GPC5: variants seen among roughly 807,000 people sequenced by gnomAD.
The protein encoded by GPC5 is glypican-5.
In GPC5, 47 loss-of-function variants were observed where a neutral mutation model predicts 53.9. The observed-to-expected ratio is 0.87, with a 90% confidence interval of 0.69 to 1.11. GPC5 has a LOEUF of 1.11. Among genes scored for constraint, GPC5 ranks in the 50% most tolerant of loss-of-function variants. The probability of loss-of-function intolerance (pLI) is 0.00; values close to 1 mark genes in which losing one functional copy is unlikely to be tolerated. For synonymous variants in GPC5, 286 were observed against 263.3 expected, an observed-to-expected ratio of 1.09 and a Z score of -0.84; for missense variants, 748 against 713.1, an observed-to-expected ratio of 1.05 and a Z score of -0.56.
chr13:91,436,102 A>G (rs527298328), intron 1 of GPC5, among the ~76,000 whole-genome samples: 6 of 152,194 alleles, frequency 3.9e-5, no homozygotes, highest in African/African-American at 7.2e-5. Context: ...TCTTGCTAGC[A>G]GTCTATCAAT....
chr13:92,857,941 A>G (rs1278740312), intron 7 of GPC5, among the ~76,000 whole-genome samples: 1 of 152,206 alleles, frequency 6.6e-6, no homozygotes, highest in African/African-American at 2.4e-5. Context: ...CAGAACTACC[A>G]TTCCACCCAG....
At chr13:92,351,460 G>T (rs978367303) in intron 7 of GPC5, among the ~76,000 whole-genome samples, 2 of 151,784 alleles carry the variant, frequency 1.3e-5, no homozygotes, top group African/African-American at 4.8e-5. Flanking sequence ...AAGTTATGAA[G>T]TCCACAATGA....
intron 2 of GPC5, among the ~76,000 whole-genome samples, chr13:91,464,033 CA>C (rs1882090877): frequency 6.6e-6 from 1 of 151,840 alleles, no homozygotes; most frequent in Non-Finnish European, 1.5e-5. Context: ...AAAAATTCAA[CA>C]GTTAAAAAAA....
intron 2 of GPC5, among the ~76,000 whole-genome samples, chr13:91,685,730 A>G (rs1472340755): frequency 1.3e-5 from 2 of 152,184 alleles, no homozygotes; most frequent in African/African-American, 4.8e-5. Context: ...GGATGAATGA[A>G]AGAATGAATA....
chr13:92,328,832 T>C (rs2043269702), intron 7 of GPC5, among the ~76,000 whole-genome samples: 1 of 152,176 alleles, frequency 6.6e-6, no homozygotes, highest in South Asian at 2.1e-4. Context: ...TTGGGGCTAG[T>C]TGTTTTCACT....
chr13:92,745,758 C>T (rs1465261754), intron 7 of GPC5, among the ~76,000 whole-genome samples: 1 of 152,070 alleles, frequency 6.6e-6, no homozygotes. Flanking sequence ...AAATACTAAT[C>T]ATTTTTTTCA....
intron 2 of GPC5, among the ~76,000 whole-genome samples, chr13:91,628,398 T>A (rs2034065687): frequency 6.6e-6 from 1 of 152,104 alleles, no homozygotes; most frequent in Non-Finnish European, 1.5e-5. Context: ...CTATTTCAAG[T>A]GTCATAACTC....
At chr13:92,490,078 G>GAAAAAA in intron 7 of GPC5, 1 of 153,998 alleles carries the variant, frequency 6.5e-6, no homozygotes, top group Non-Finnish European at 1.5e-5. Context: ...TATCTATAAT[G>GAAAAAA]TGCAGTTAAA....
At chr13:91,920,920 CTCT>C (rs2139016505) in intron 6 of GPC5, among the ~76,000 whole-genome samples, 1 of 60,032 alleles carries the variant, frequency 1.7e-5, no homozygotes, top group African/African-American at 6.8e-5. Flanking sequence ...CTCTCTCTCT[CTCT>C]CTCTTTTTTT....
At chr13:92,398,201 G>T (rs913339436) in intron 7 of GPC5, among the ~76,000 whole-genome samples, 1 of 151,480 alleles carries the variant, frequency 6.6e-6, no homozygotes, top group African/African-American at 2.4e-5. Flanking sequence ...AGGCCGAGGC[G>T]GGCGGATCAC....
At chr13:91,969,882 G>A (rs1444597328) in intron 6 of GPC5, among the ~76,000 whole-genome samples, 2 of 152,102 alleles carry the variant, frequency 1.3e-5, no homozygotes, top group Non-Finnish European at 2.9e-5. Flanking sequence ...TGTTGGTGAG[G>A]ATATGGAGAA....
At chr13:92,861,167 T>G (rs1162974131) in intron 7 of GPC5, among the ~76,000 whole-genome samples, 1 of 152,150 alleles carries the variant, frequency 6.6e-6, no homozygotes, top group African/African-American at 2.4e-5. Context: ...TGAATGCACC[T>G]TAATTTTCTT....
rs947291750 is a variant in GPC5 at position 92,866,446 on chromosome 13, T to C, written c.*7T>C. 5.6e-6 allele frequency: 9 copies of C among 1,594,750 alleles called. No homozygotes were observed. Among genetic ancestry groups the C allele is most frequent in the Admixed American group, 1.7e-5 (1 of 58,586 alleles). On this transcript the variant is annotated 3_prime_UTR_variant, in exon 8 of 8. Coordinates refer to ENST00000377067, the MANE Select transcript of GPC5 (RefSeq NM_004466.6). ...ACTTCCCGGGATTTGGTAACTGAAC[T>C]CTTCTGTCCTGACATACCTTACTGA...
chr13:91,965,944 G>A (rs1414285282), intron 6 of GPC5, among the ~76,000 whole-genome samples: 1 of 152,116 alleles, frequency 6.6e-6, no homozygotes, highest in Non-Finnish European at 1.5e-5. Flanking sequence ...AATTTGTAAA[G>A]TAGGTTTCCA....
intron 2 of GPC5, among the ~76,000 whole-genome samples, chr13:91,501,236 CTT>C (rs1884613815): frequency 1.5e-5 from 2 of 134,904 alleles, no homozygotes; most frequent in African/African-American, 5.6e-5. Flanking sequence ...GCTCTTAAGA[CTT>C]TGTTTTTTTT....
intron 7 of GPC5, among the ~76,000 whole-genome samples, chr13:92,685,399 C>G (rs1887232281): frequency 6.6e-6 from 1 of 151,924 alleles, no homozygotes; most frequent in South Asian, 2.1e-4. Context: ...CCAGCCAGAT[C>G]TAATATTTCT....
chr13:92,359,813 A>G (rs1344582518), intron 7 of GPC5, among the ~76,000 whole-genome samples: 1 of 151,706 alleles, frequency 6.6e-6, no homozygotes, highest in Non-Finnish European at 1.5e-5. Flanking sequence ...GAAATCTGCC[A>G]CCATGATTCA....
At chr13:91,879,170 G>T (rs2039237729) in intron 5 of GPC5, among the ~76,000 whole-genome samples, 1 of 151,814 alleles carries the variant, frequency 6.6e-6, no homozygotes, top group Non-Finnish European at 1.5e-5. Flanking sequence ...TTAAGTTCTG[G>T]GATACATGTG....
intron 7 of GPC5, among the ~76,000 whole-genome samples, chr13:92,158,528 C>A (rs1159338244): frequency 6.6e-6 from 1 of 151,256 alleles, no homozygotes; most frequent in African/African-American, 2.4e-5. Flanking sequence ...CTTCTGACAA[C>A]ACTATGACTC....
Sources: allele counts gnomAD v4.1 joint callset (sites outside exome capture counted in the v4.1 genomes callset), GRCh38; gene constraint gnomAD v4.1.1; transcripts MANE v1.5; gene names NCBI Gene and HGNC (gene_info 2026-07-23, HGNC 2026-07-21).